PRELP: variants seen among roughly 807,000 people sequenced by gnomAD.
PRELP encodes proline and arginine rich end leucine rich repeat protein.
A neutral mutation model predicts 22.8 loss-of-function variants in PRELP; 16 were observed. That is an observed-to-expected ratio of 0.70 (90% CI 0.47 to 1.06). The LOEUF is 1.06. PRELP is among the 50% of genes least tolerant of loss of function. The pLI, the probability that PRELP is intolerant of heterozygous loss-of-function variation, is 0.00. For missense variants in PRELP, 434 were observed against 485.2 expected (o/e 0.89, Z 0.99); for synonymous variants, 233 against 211.4 (o/e 1.10, Z -0.89).
At chr1:203,479,117 G>A (rs889270021) in intron 1 of PRELP, among the ~76,000 whole-genome samples, 1 of 152,114 alleles carries the variant, frequency 6.6e-6, no homozygotes, top group Admixed American at 6.5e-5. Flanking sequence ...GGAGGCTTAG[G>A]GGTGACCAAT....
chr1:203,483,026 C>A lies in PRELP; in HGVS notation c.-16-143C>A. ...TATTCCCTTACCTGCTGGGTACAGG[C>A]AAACAAGGAGATGCTTCCACAGCTC... On this transcript the variant is annotated intron_variant, in intron 1 of 2. Coordinates refer to ENST00000343110, the MANE Select transcript of PRELP (RefSeq NM_002725.4). The surrounding 1 kb of genome is among the most constrained non-coding windows in gnomAD (Gnocchi z 4.4). 1 of 701,200 alleles carries A rather than the reference C, an allele frequency of 1.4e-6. No homozygotes were observed. The highest frequency in any genetic ancestry group is 2.4e-6 in the Non-Finnish European group (1 of 415,468). 43.4% of individuals were successfully genotyped at this position (701,200 alleles called of 1,614,324 possible). A position where few individuals can be genotyped will look rare whatever the true frequency, so the allele number is the denominator to read the frequency against.
At chr1:203,481,738 T>C (rs535065134) in intron 1 of PRELP, among the ~76,000 whole-genome samples, 6 of 152,202 alleles carry the variant, frequency 3.9e-5, no homozygotes, top group Non-Finnish European at 7.3e-5. Flanking sequence ...TGAGTTTGCT[T>C]ATGTGCATGG....
At chr1:203,482,179 T>C (rs1661011996) in intron 1 of PRELP, among the ~76,000 whole-genome samples, 1 of 152,198 alleles carries the variant, frequency 6.6e-6, no homozygotes, top group South Asian at 2.1e-4. Flanking sequence ...ACTGATGATT[T>C]TCTCATGCTG....
chr1:203,479,264 T>C (rs1034472965), intron 1 of PRELP, among the ~76,000 whole-genome samples: 2 of 152,162 alleles, frequency 1.3e-5, no homozygotes, highest in Non-Finnish European at 2.9e-5. Flanking sequence ...CAAAGCCAAT[T>C]AGCCTTAAAT....
chr1:203,479,144 CAAGT>C, intron 1 of PRELP, among the ~76,000 whole-genome samples: 1 of 152,254 alleles, frequency 6.6e-6, no homozygotes, highest in South Asian at 2.1e-4. Flanking sequence ...GGAGATCTGA[CAAGT>C]AAGAAGAATG....
At chr1:203,475,989 G>C (rs1050900363) in intron 1 of PRELP, 51 bp downstream of exon 1, 3 of 152,642 alleles carry the variant, frequency 2.0e-5, no homozygotes, top group Non-Finnish European at 4.4e-5. Context: ...CTTTCATCCA[G>C]TAAGTTTCCT....
rs769225317 is a variant in PRELP at position 203,483,257 on chromosome 1, C to A, written c.73C>A (p.Arg25=). Residue 25 remains arginine (R), a synonymous_variant, in exon 2 of 3, where the codon CGA becomes AGA. Coordinates refer to ENST00000343110, the MANE Select transcript of PRELP (RefSeq NM_002725.4). This position sits in a 1 kb window ranked among gnomAD's most constrained non-coding sequence, Gnocchi z 4.4. ...ASVAQGQPTR[R]PRPGTGPGRR... Reference sequence around the variant, plus strand: ...AGTGGCCCAAGGCCAGCCAACAAGACGACCAAGACCCGGGACTGGGCCCGG... The same window carrying A: ...AGTGGCCCAAGGCCAGCCAACAAGAAGACCAAGACCCGGGACTGGGCCCGG... 1.3e-6 allele frequency: 2 copies of A among 1,599,766 alleles called. No homozygotes were observed. Among genetic ancestry groups the A allele is most frequent in the South Asian group, 2.2e-5 (2 of 89,130 alleles).
In PRELP at chr1:203,486,925, T is replaced by C. The variant is rs1661103704; in HGVS notation, c.*44T>C. The stretch of plus-strand genomic sequence containing the variant: ...ATCTGCTCTGACCGCACTTGAAGGC[T>C]GGGGCCCAGGCACCTGTGCCGGCCA... On this transcript the variant is annotated 3_prime_UTR_variant, in exon 3 of 3. Transcript: ENST00000343110. 3.2e-6 allele frequency: 5 copies of C among 1,545,696 alleles called. No individual in the cohort carries two copies. The highest frequency in any genetic ancestry group is 4.4e-6 in the Non-Finnish European group (5 of 1,136,252).
Position 203,487,157 on chromosome 1 carries a change from C to T in PRELP, c.*276C>T. On this transcript the variant is annotated 3_prime_UTR_variant, in exon 3 of 3. Coordinates refer to ENST00000343110, the MANE Select transcript of PRELP (RefSeq NM_002725.4). ...CTTTGCTCCAGAAACACAGATGTGT[C>T]TAAAGACTTGGTGTCCCCTTCTCTC... 1 of 375,872 alleles carries T rather than the reference C, an allele frequency of 2.7e-6. No homozygotes were observed. Among genetic ancestry groups the T allele is most frequent in the East Asian group, 4.6e-5 (1 of 21,636 alleles). The allele number at this position is 375,872 out of a possible 1,614,324, so 23.3% of individuals were successfully genotyped here. A position where few individuals can be genotyped will look rare whatever the true frequency, so the allele number is the denominator to read the frequency against.
At chr1:203,484,182 G>GGGGGGGCC in intron 2 of PRELP, 25 bp downstream of exon 2, 1 of 1,585,406 alleles carries the variant, frequency 6.3e-7, no homozygotes, top group Non-Finnish European at 8.6e-7. Flanking sequence ...CCGGGGCGGG[G>GGGGGGGCC]CCGAAGGCAA....
intron 1 of PRELP, among the ~76,000 whole-genome samples, chr1:203,479,475 G>C (rs1342857157): frequency 6.6e-6 from 1 of 152,064 alleles, no homozygotes; most frequent in Non-Finnish European, 1.5e-5. Context: ...GACTGAGGAG[G>C]ACAGATCACT....
At position 203,487,599 on chromosome 1, in the gene PRELP, GAGA is replaced by G. The variant is rs1047739061; in HGVS notation, c.*723_*725del. ...CTGGGCCTCAGGAGGAACAGCCAAGGAGAAGAATGGCCCAAGGAACTAGGAAGC... is the reference window on the plus strand; with the variant it reads ...CTGGGCCTCAGGAGGAACAGCCAAGGAGAATGGCCCAAGGAACTAGGAAGC... On this transcript the variant is annotated 3_prime_UTR_variant, in exon 3 of 3. Transcript: ENST00000343110. 7.9e-5 allele frequency: 12 copies of G among 152,864 alleles called. No individual in the cohort carries two copies. The highest frequency in any genetic ancestry group is 5.2e-4 in the Admixed American group (8 of 15,292). 9.5% of individuals were successfully genotyped at this position (152,864 alleles called of 1,614,324 possible). A position where few individuals can be genotyped will look rare whatever the true frequency, so the allele number is the denominator to read the frequency against.
At chr1:203,485,605 C>T (rs541257819) in intron 2 of PRELP, among the ~76,000 whole-genome samples, 1 of 152,310 alleles carries the variant, frequency 6.6e-6, no homozygotes, top group South Asian at 2.1e-4. Context: ...GATTGAAGAA[C>T]TCAGCATGAG....
chr1:203,488,593 T>A lies in PRELP; in HGVS notation c.*1712T>A, dbSNP rs1347402918. The A allele has an allele frequency of 6.6e-6, 1 of 152,236 alleles. No individual in the cohort carries two copies. Among genetic ancestry groups the A allele is most frequent in the Non-Finnish European group, 1.5e-5 (1 of 68,050 alleles). 9.4% of individuals were successfully genotyped at this position (152,236 alleles called of 1,614,324 possible). On this transcript the variant is annotated 3_prime_UTR_variant, in exon 3 of 3. Coordinates refer to ENST00000343110, the MANE Select transcript of PRELP (RefSeq NM_002725.4). Reference sequence around the variant, plus strand: ...GTTCCGAGTCTGCAGCTCCACACTTTAAATCATACTCGAATGCAGGACAAG... The same window carrying A: ...GTTCCGAGTCTGCAGCTCCACACTTAAAATCATACTCGAATGCAGGACAAG...
Position 203,483,526 on chromosome 1 carries a change from C to T in PRELP, c.342C>T (p.Ile114=). The T allele has an allele frequency of 6.2e-7, 1 of 1,614,228 alleles. No individual in the cohort carries two copies. Among genetic ancestry groups the T allele is most frequent in the Non-Finnish European group, 8.5e-7 (1 of 1,180,032 alleles). The change falls in exon 2 of 3, where the codon ATC becomes ATT. Residue 114 remains isoleucine (I), a synonymous_variant. Transcript: ENST00000343110. This position sits in a 1 kb window ranked among gnomAD's most constrained non-coding sequence, Gnocchi z 4.4. ...IHYLYLQNNF[I]TELPVESFQN... is the part of the protein sequence containing the mutation. Reference sequence around the variant, plus strand: ...ACCTCTATCTCCAGAACAACTTCATCACTGAGCTCCCGGTGGAGTCCTTCC... The same window carrying T: ...ACCTCTATCTCCAGAACAACTTCATTACTGAGCTCCCGGTGGAGTCCTTCC...
Position 203,483,239 on chromosome 1 carries a change from C to G in PRELP, c.55C>G (p.Gln19Glu). The change falls in exon 2 of 3, where the codon CAA becomes GAA. Residue 19 changes from glutamine to glutamate, a missense_variant. By Grantham distance (29) the Gln-to-Glu change is conservative. Coordinates refer to ENST00000343110, the MANE Select transcript of PRELP (RefSeq NM_002725.4). The surrounding 1 kb of genome is among the most constrained non-coding windows in gnomAD (Gnocchi z 4.4). ...ACTTCTCATCTTGGCCTCAGTGGCC[C>G]AAGGCCAGCCAACAAGACGACCAAG... ...LPLLILASVA[Q>E]GQPTRRPRPG... The G allele has an allele frequency of 6.3e-7, 1 of 1,591,280 alleles. No homozygotes were observed. The highest frequency in any genetic ancestry group is 1.1e-5 in the South Asian group (1 of 87,822).
intron 1 of PRELP, among the ~76,000 whole-genome samples, chr1:203,476,307 G>A (rs1161815187): frequency 6.6e-6 from 1 of 152,088 alleles, no homozygotes; most frequent in Admixed American, 6.5e-5. Flanking sequence ...ACACATTGTG[G>A]AAGTCACACA....
intron 1 of PRELP, among the ~76,000 whole-genome samples, chr1:203,476,619 C>A (rs1341488369): frequency 1.3e-5 from 2 of 152,104 alleles, no homozygotes; most frequent in Non-Finnish European, 2.9e-5. Flanking sequence ...AGGAGATAAG[C>A]AAGAGCGGGA....
At chr1:203,484,202 CT>C (rs773450931) in intron 2 of PRELP, 45 bp downstream of exon 2, 12 of 1,584,980 alleles carry the variant, frequency 7.6e-6, no homozygotes, top group Non-Finnish European at 9.4e-6. Context: ...AGGAGGTTGG[CT>C]TGTGTAGCAC....
Sources: allele counts gnomAD v4.1 joint callset (sites outside exome capture counted in the v4.1 genomes callset), GRCh38; gene constraint gnomAD v4.1.1; non-coding constraint Gnocchi (gnomAD v3.1); transcripts MANE v1.5; gene names NCBI Gene and HGNC (gene_info 2026-07-23, HGNC 2026-07-21).